The following MCM10 variants were observed in gnomAD, a reference collection of about 807,000 sequenced individuals.
The protein encoded by MCM10 is minichromosome maintenance 10 replication initiation factor, also known as protein MCM10 homolog.
A neutral mutation model predicts 109.9 loss-of-function variants in MCM10; 91 were observed. That is an observed-to-expected ratio of 0.83 (90% CI 0.70 to 0.99). The LOEUF is 0.99. MCM10 is among the 50% of genes least tolerant of loss of function. The pLI is 0.00. For missense variants in MCM10, 1,077 were observed against 1,061.2 expected (o/e 1.01, Z -0.21); for synonymous variants, 380 against 387.2 (o/e 0.98, Z 0.22).
chr10:13,205,823 G>GT (rs1169772631), intron 18 of MCM10, among the ~76,000 whole-genome samples: 1 of 151,942 alleles, frequency 6.6e-6, no homozygotes, highest in Non-Finnish European at 1.5e-5. Context: ...TGTGTGTGTT[G>GT]TAAGTGTCTT....
chr10:13,175,501 A>C lies in MCM10; in HGVS notation c.593-9A>C. The C allele has an allele frequency of 1.2e-6, 2 of 1,612,774 alleles. No homozygotes were observed. The highest frequency in any genetic ancestry group is 2.2e-5 in the South Asian group (2 of 90,990). ...GGTTGCCTTTTCATTAATTGTGTTA[A>C]TTTTCTAGATCCCAAAAGCTCATCT... On this transcript the variant is annotated splice_polypyrimidine_tract_variant and intron_variant, in intron 5 of 19. Transcript: ENST00000378714.
intron 16 of MCM10, among the ~76,000 whole-genome samples, chr10:13,199,656 T>C (rs1348009692): frequency 1.3e-5 from 2 of 151,890 alleles, no homozygotes; most frequent in East Asian, 3.8e-4. Flanking sequence ...TAAGAAAAAA[T>C]GAAAAGATTT....
rs149354602 is a variant in MCM10, at chr10:13,195,162, A to G, written c.1867A>G (p.Met623Val). ...FPRLEGAPAT[M>V]TPKLGRGVLE... The stretch of plus-strand genomic sequence containing the variant: ...CAGGCTGGAGGGAGCCCCGGCCACA[A>G]TGACGCCCAAGCTGGGGCGAGGTGT... Residue 623 changes from methionine (M) to valine (V), a missense_variant, in exon 14 of 20, where the codon ATG becomes GTG. Met to Val is a conservative substitution (Grantham distance 21). Transcript: ENST00000378714. 1.2e-4 allele frequency: 199 copies of G among 1,614,018 alleles called. 1 individual carries two copies. The highest frequency in any genetic ancestry group is 1.6e-4 in the Middle Eastern group (1 of 6,084).
chr10:13,198,615 G>A, intron 15 of MCM10, 74 bp from the exon 16 acceptor site: 1 of 914,046 alleles, frequency 1.1e-6, no homozygotes, highest in Admixed American at 1.7e-5. Context: ...GAGTGGGAGG[G>A]AGTAGAGTTG....
rs1201695498 is a variant in MCM10 at position 13,183,105 on chromosome 10, G to A, written c.1098+5G>A. On this transcript the variant is annotated splice_donor_5th_base_variant and intron_variant, in intron 8 of 19. Coordinates refer to ENST00000378714, the MANE Select transcript of MCM10 (RefSeq NM_018518.5). ...CCCAAGGATGGTTCAGAGGAGGTAA[G>A]AGCCTGTTTCTGGGATTTGATTGAT... is the stretch of plus-strand genomic sequence containing the variant. The A allele has an allele frequency of 6.2e-7, 1 of 1,600,940 alleles. No homozygotes were observed. Among genetic ancestry groups the A allele is most frequent in the South Asian group, 1.1e-5 (1 of 88,876 alleles).
intron 6 of MCM10, among the ~76,000 whole-genome samples, chr10:13,178,054 T>C (rs568903963): frequency 6.6e-6 from 1 of 152,262 alleles, no homozygotes; most frequent in South Asian, 2.1e-4. Flanking sequence ...GTTTCCCCAA[T>C]GTTTTCTTTT....
At position 13,171,077 on chromosome 10, in the gene MCM10, T is replaced by G; in HGVS notation, c.163T>G (p.Tyr55Asp). 1 of 1,614,194 alleles carries G rather than the reference T, an allele frequency of 6.2e-7. No homozygotes were observed. The highest frequency in any genetic ancestry group is 8.5e-7 in the Non-Finnish European group (1 of 1,180,036). The change falls in exon 3 of 20, where the codon TAT becomes GAT. Residue 55 changes from tyrosine (Y) to aspartate (D), a missense_variant. Tyr to Asp is a radical substitution (Grantham distance 160). Transcript: ENST00000378714. ...LFDADGDGES[Y>D]TEEADDGETG... ...TGATGCCGACGGCGACGGTGAATCT[T>G]ATACAGAAGAGGCTGATGATGGAGA...
chr10:13,206,917 G>A (rs1282026749), intron 18 of MCM10, among the ~76,000 whole-genome samples: 2 of 151,658 alleles, frequency 1.3e-5, no homozygotes, highest in African/African-American at 4.8e-5. Context: ...CGATCCTTCT[G>A]CTTCTGCCTC....
intron 2 of MCM10, among the ~76,000 whole-genome samples, chr10:13,168,140 G>T (rs776351295): frequency 6.6e-6 from 1 of 152,340 alleles, no homozygotes; most frequent in Middle Eastern, 3.4e-3. Context: ...TCTTCCCGGG[G>T]TGTGCCCTCT....
At chr10:13,169,767 G>A (rs985331929) in intron 2 of MCM10, among the ~76,000 whole-genome samples, 4 of 152,180 alleles carry the variant, frequency 2.6e-5, no homozygotes, top group African/African-American at 9.7e-5. Flanking sequence ...GTGCAGTGGT[G>A]CGATCTCGGC....
rs988437864 is a variant in MCM10, at chr10:13,177,566, G to T, written c.764+1885G>T. Among the ~76,000 whole-genome samples the T allele has an allele frequency of 2.0e-5, 3 of 147,696 alleles. No homozygotes were observed. The Admixed American group carries it at 2.1e-4, about 10-fold the overall frequency. On this transcript the variant is annotated intron_variant, in intron 6 of 19. Transcript: ENST00000378714. ...ACTCATTGTTACAGAAAAAACCCTG[G>T]GCTGTATAGAAGAACCTTTCCCTAG...
chr10:13,208,673 T>C (rs1834617520), intron 18 of MCM10, among the ~76,000 whole-genome samples: 2 of 152,094 alleles, frequency 1.3e-5, no homozygotes, highest in Non-Finnish European at 1.5e-5. Context: ...ATTCCTTTCT[T>C]AGCTCAACCT....
intron 6 of MCM10, among the ~76,000 whole-genome samples, chr10:13,176,913 G>A (rs955153419): frequency 2.0e-5 from 3 of 152,166 alleles, no homozygotes; most frequent in Non-Finnish European, 4.4e-5. Flanking sequence ...GAAGTGTCTT[G>A]TAAAGAGTTG....
intron 3 of MCM10, 146 bp downstream of exon 3, chr10:13,171,409 G>C (rs1005689911): frequency 2.6e-6 from 2 of 784,176 alleles, no homozygotes; most frequent in South Asian, 4.0e-5. Flanking sequence ...AAAATTATAT[G>C]AGTTGGTAGA....
At position 13,209,996 on chromosome 10, in the gene MCM10, C is replaced by G. The variant is rs1834637339; in HGVS notation, c.*686C>G. ...TATAGAGAGAAAGAAGGTGTCTGCT[C>G]TTACATTATTGTGGAGCCCTGTGAT... On this transcript the variant is annotated 3_prime_UTR_variant, in exon 20 of 20. Coordinates refer to ENST00000378714, the MANE Select transcript of MCM10 (RefSeq NM_018518.5). 1 of 151,946 alleles carries G rather than the reference C, an allele frequency of 6.6e-6. No individual in the cohort carries two copies. Among genetic ancestry groups the G allele is most frequent in the Non-Finnish European group, 1.5e-5 (1 of 68,016 alleles). The allele number at this position is 151,946 out of a possible 1,614,324, so 9.4% of individuals were successfully genotyped here. A position where few individuals can be genotyped will look rare whatever the true frequency, so the allele number is the denominator to read the frequency against.
intron 2 of MCM10, among the ~76,000 whole-genome samples, chr10:13,169,725 A>C (rs1834045509): frequency 1.3e-5 from 2 of 152,204 alleles, no homozygotes; most frequent in Admixed American, 1.3e-4. Context: ...TTTGTTTTTG[A>C]GATGGAGTCT....
chr10:13,196,805 G>A lies in MCM10; in HGVS notation c.1975-818G>A, dbSNP rs187763861. Among the ~76,000 whole-genome samples the A allele has an allele frequency of 1.1e-3, 163 of 151,210 alleles. 2 individuals carry two copies. Among genetic ancestry groups the A allele is most frequent in the African/African-American group, 3.8e-3 (155 of 41,190 alleles). On this transcript the variant is annotated intron_variant, in intron 14 of 19. Coordinates refer to ENST00000378714, the MANE Select transcript of MCM10 (RefSeq NM_018518.5). ...TGGGATTACAGGCATGAGCCACTGC[G>A]CCCGGCCAGGAATGTATTTGCTATG...
chr10:13,188,879 A>T lies in MCM10; in HGVS notation c.1216-2A>T. The T allele has an allele frequency of 1.2e-6, 2 of 1,614,010 alleles. No homozygotes were observed. Among genetic ancestry groups the T allele is most frequent in the Non-Finnish European group, 1.7e-6 (2 of 1,179,884 alleles). On this transcript the variant is annotated splice_acceptor_variant, in intron 9 of 19. Coordinates refer to ENST00000378714, the MANE Select transcript of MCM10 (RefSeq NM_018518.5). LOFTEE classifies it high-confidence loss of function. Reference sequence around the variant, plus strand: ...CTGATGCCACTGCTCTGCCTTTTGCAGCGTGACTGTGAGTACTGTCAGTAC... The same window carrying T: ...CTGATGCCACTGCTCTGCCTTTTGCTGCGTGACTGTGAGTACTGTCAGTAC...
Position 13,171,000 on chromosome 10 carries a change from A to G in MCM10, c.86A>G (p.Asn29Ser), listed in dbSNP as rs2131557925. 6.2e-7 allele frequency: 1 copy of G among 1,614,232 alleles called. No individual in the cohort carries two copies. The highest frequency in any genetic ancestry group is 8.5e-7 in the Non-Finnish European group (1 of 1,180,052). The change falls in exon 3 of 20, where the codon AAT (asparagine) becomes AGT (serine). Residue 29 changes from asparagine to serine, a missense_variant. Transcript: ENST00000378714. ...GCCTTGGATTGTAATTCAGAAGAAA[A>G]TAACTTCTTGACGCGGGAAAATGGC... ...ESALDCNSEE[N>S]NFLTRENGEP... is the part of the protein sequence containing the mutation.
Sources: allele counts gnomAD v4.1 joint callset (sites outside exome capture counted in the v4.1 genomes callset), GRCh38; gene constraint gnomAD v4.1.1; transcripts MANE v1.5; gene names NCBI Gene and HGNC (gene_info 2026-07-23, HGNC 2026-07-21).